The following DMKN variants were observed in gnomAD, a reference collection of about 807,000 sequenced individuals.
DMKN encodes the protein epidermis-specific secreted protein SK30/SK89.
DMKN carries 58 observed loss-of-function variants against 67.6 expected under a neutral mutation model. The observed-to-expected ratio is 0.86, with a 90% CI of 0.69 to 1.07. DMKN has a LOEUF of 1.07. DMKN is among the 50% of genes least tolerant of loss of function. The pLI is 0.00. For synonymous variants in DMKN, 240 were observed against 232.3 expected, an observed-to-expected ratio of 1.03 and a Z score of -0.30; for missense variants, 596 against 601.5, an observed-to-expected ratio of 0.99 and a Z score of 0.10.
At chr19:35,508,627 G>A (rs992669419) in intron 7 of DMKN, 1 of 173,152 alleles carries the variant, frequency 5.8e-6, no homozygotes, top group African/African-American at 2.4e-5. Context: ...GAAAATTTTA[G>A]TTCTAGCTCA....
At chr19:35,498,183 T>TGGAGTGCAGCGGTGCAATCGC (rs1368702813) in intron 15 of DMKN, 1 of 157,386 alleles carries the variant, frequency 6.4e-6, no homozygotes. Flanking sequence ...TTGCCCAGGC[T>TGGAGTGCAGCGGTGCAATCGC]GGAGTGCAGC....
intron 13 of DMKN, chr19:35,499,220 C>T: frequency 2.4e-6 from 1 of 410,566 alleles, no homozygotes. Flanking sequence ...GTGGAAGCCA[C>T]AGATAACTCA....
At chr19:35,507,584 G>T (rs2069826440) in intron 7 of DMKN, 1 of 1,323,296 alleles carries the variant, frequency 7.6e-7, no homozygotes, top group Non-Finnish European at 1.1e-6. Context: ...CAAGGAAGCA[G>T]GGTGTCGGCG....
chr19:35,511,480 G>T lies in DMKN; in HGVS notation c.849C>A (p.Gly283=). The part of the protein sequence containing the change: ...SSGSSSGGSS[G]GSSGGSSGNS... ...TGCCACTGCTGCCACCACTGCTGCCGCCACTGCTGCCGCCACTGCTGCTGC... is the reference window on the plus strand; with the variant it reads ...TGCCACTGCTGCCACCACTGCTGCCTCCACTGCTGCCGCCACTGCTGCTGC... Residue 283 remains glycine (G), a synonymous_variant, in exon 5 of 16, where the codon GGC becomes GGA. Transcript: ENST00000339686. The T allele has an allele frequency of 1.1e-6, 1 of 922,938 alleles. No homozygotes were observed. Among genetic ancestry groups the T allele is most frequent in the Non-Finnish European group, 1.4e-6 (1 of 697,982 alleles). 57.2% of individuals were successfully genotyped at this position (922,938 alleles called of 1,614,324 possible).
chr19:35,511,447 ACCACTGTTG>A lies in DMKN; in HGVS notation c.873_881del (p.Asn292_Gly294del), dbSNP rs1193515047. 1.2e-6 allele frequency: 2 copies of A among 1,605,930 alleles called. No individual in the cohort carries two copies. Among genetic ancestry groups the A allele is most frequent in the African/African-American group, 1.3e-5 (1 of 74,556 alleles). ...CACTGCCGCTGTCACCTCTGCTGCC[ACCACTGTTG>A]CCACTGCTGCCACCACTGCTGCCGC... On this transcript the variant is annotated inframe_deletion, in exon 5 of 16. Coordinates refer to ENST00000339686, the MANE Select transcript of DMKN (RefSeq NM_033317.5).
chr19:35,505,879 G>A, intron 8 of DMKN, 60 bp downstream of exon 8: 2 of 1,613,652 alleles, frequency 1.2e-6, no homozygotes, highest in Admixed American at 1.7e-5. Flanking sequence ...AGACTGTGGG[G>A]CCAAGGGCAG....
chr19:35,497,462 C>T lies in DMKN; in HGVS notation c.*77G>A, dbSNP rs1200000469. ...TGTGGCAGCCGGGCCAGGGCTGGCA[C>T]AGGCTGGGGGCCAAGGGGAGGAGCT... is the stretch of plus-strand genomic sequence containing the variant. On this transcript the variant is annotated 3_prime_UTR_variant, in exon 16 of 16. Transcript: ENST00000339686. 4 of 152,064 alleles carry T rather than the reference C, an allele frequency of 2.6e-5. No individual in the cohort carries two copies. Among genetic ancestry groups the T allele is most frequent in the Non-Finnish European group, 4.4e-5 (3 of 68,020 alleles). 9.4% of individuals were successfully genotyped at this position (152,064 alleles called of 1,614,324 possible). A position where few individuals can be genotyped will look rare whatever the true frequency, so the allele number is the denominator to read the frequency against.
chr19:35,509,266 GA>G (rs1021005201), intron 7 of DMKN, among the ~76,000 whole-genome samples: 10 of 119,056 alleles, frequency 8.4e-5, no homozygotes, highest in East Asian at 4.4e-4. Context: ...CAAATGGGAA[GA>G]AATTTTTTTT....
intron 7 of DMKN, chr19:35,506,635 A>G: frequency 2.2e-6 from 1 of 453,954 alleles, no homozygotes. Flanking sequence ...TACTGGAGGA[A>G]GCTCAGGCTC....
rs776168349 is a variant in DMKN at position 35,512,590 on chromosome 19, C to T, written c.627G>A (p.Gln209=). ...GGPPNFGTNT[Q]GAVAQPGYGS... ...GTAGCAGGTCTGGGGGTGACTTTAC[C>T]TGAGTGTTGGTCCCAAAGTTTGGTG... Residue 209 remains glutamine, a splice_region_variant and synonymous_variant, in exon 2 of 16, where the codon CAG becomes CAA. Coordinates refer to ENST00000339686, the MANE Select transcript of DMKN (RefSeq NM_033317.5). 1 of 1,614,136 alleles carries T rather than the reference C, an allele frequency of 6.2e-7. No homozygotes were observed. Among genetic ancestry groups the T allele is most frequent in the African/African-American group, 1.3e-5 (1 of 75,048 alleles).
At chr19:35,502,006 C>G (rs1568571962) in intron 11 of DMKN, 130 bp downstream of exon 11, 2 of 1,564,532 alleles carry the variant, frequency 1.3e-6, no homozygotes, top group South Asian at 1.2e-5. Context: ...ACCCCGCCCC[C>G]ACTCGGGATT....
rs764511496 is a variant in DMKN at position 35,512,484 on chromosome 19, A to G, written c.628-7T>C. On this transcript the variant is annotated splice_polypyrimidine_tract_variant and splice_region_variant and intron_variant, in intron 2 of 15. Coordinates refer to ENST00000339686, the MANE Select transcript of DMKN (RefSeq NM_033317.5). ...CAGGCTGGGCCACAGCTCCCTGCAG[A>G]GAGGGTGAGACTGAGAGTAGGATCC... The G allele has an allele frequency of 6.2e-7, 1 of 1,614,090 alleles. No homozygotes were observed. The highest frequency in any genetic ancestry group is 2.2e-5 in the East Asian group (1 of 44,864).
intron 12 of DMKN, 131 bp from the exon 13 acceptor site, chr19:35,500,160 G>T: frequency 8.2e-7 from 1 of 1,225,010 alleles, no homozygotes; most frequent in South Asian, 1.3e-5. Flanking sequence ...CTTGTGTCAC[G>T]TGTTTTCTTT....
intron 5 of DMKN, 181 bp from the exon 6 acceptor site, chr19:35,510,433 A>G: frequency 6.4e-7 from 1 of 1,552,286 alleles, no homozygotes; most frequent in Non-Finnish European, 8.7e-7. Flanking sequence ...AGCATGGAGA[A>G]GGCCAGGTGT....
chr19:35,510,494 C>T (rs2070558471), intron 5 of DMKN: 2 of 1,549,982 alleles, frequency 1.3e-6, no homozygotes, highest in Admixed American at 3.9e-5. Context: ...TGAGCTGCTG[C>T]CCACCGCAGG....
In DMKN at chr19:35,505,960, AAAC is replaced by A; in HGVS notation, c.1062_1064del (p.Met354_Phe355delinsIle). On this transcript the variant is annotated inframe_deletion, in exon 8 of 16. Coordinates refer to ENST00000339686, the MANE Select transcript of DMKN (RefSeq NM_033317.5). Reference sequence around the variant, plus strand: ...TCACCTTCCAGAAAGTGTCAAAGTTAAACATCCCAGGAGACGTCTCAGAGTTCT... The same window carrying A: ...TCACCTTCCAGAAAGTGTCAAAGTTAATCCCAGGAGACGTCTCAGAGTTCT... 1 of 1,614,192 alleles carries A rather than the reference AAAC, an allele frequency of 6.2e-7. No individual in the cohort carries two copies. The highest frequency in any genetic ancestry group is 8.5e-7 in the Non-Finnish European group (1 of 1,180,034).
At chr19:35,499,833 T>C (rs2145854821) in intron 13 of DMKN, 125 bp downstream of exon 13, 1 of 973,648 alleles carries the variant, frequency 1.0e-6, no homozygotes. Context: ...TGGGGAGGCC[T>C]GGACTCAAAG....
intron 7 of DMKN, chr19:35,508,413 G>GA: frequency 1.6e-6 from 1 of 636,144 alleles, no homozygotes; most frequent in Non-Finnish European, 2.7e-6. Context: ...GAATAGGTAA[G>GA]AAAACACTGG....
rs1555799917 is a variant in DMKN at position 35,511,479 on chromosome 19, C to CGCCACTGCTGCT, written c.849_850insAGCAGCAGTGGC (p.Gly283_Gly284insSerSerSerGly). 1.4e-4 allele frequency: 134 copies of CGCCACTGCTGCT among 955,354 alleles called. No individual in the cohort carries two copies. The highest frequency in any genetic ancestry group is 1.3e-3 in the African/African-American group (64 of 49,876). 59.2% of individuals were successfully genotyped at this position (955,354 alleles called of 1,614,324 possible). A position where few individuals can be genotyped will look rare whatever the true frequency, so the allele number is the denominator to read the frequency against. On this transcript the variant is annotated inframe_insertion, in exon 5 of 16. Coordinates refer to ENST00000339686, the MANE Select transcript of DMKN (RefSeq NM_033317.5). Reference sequence around the variant, plus strand: ...TTGCCACTGCTGCCACCACTGCTGCCGCCACTGCTGCCGCCACTGCTGCTG... The same window carrying CGCCACTGCTGCT: ...TTGCCACTGCTGCCACCACTGCTGCCGCCACTGCTGCTGCCACTGCTGCCGCCACTGCTGCTG...
Sources: allele counts gnomAD v4.1 joint callset (sites outside exome capture counted in the v4.1 genomes callset), GRCh38; gene constraint gnomAD v4.1.1; transcripts MANE v1.5; gene names NCBI Gene and HGNC (gene_info 2026-07-23, HGNC 2026-07-21).